The following INHBA variants were observed in gnomAD, a reference collection of about 807,000 sequenced individuals.
INHBA encodes inhibin subunit beta A.
Under a neutral mutation model 29.0 loss-of-function variants are expected in INHBA, and 1 was observed. The observed-to-expected ratio is 0.03, with a 90% CI of 0.01 to 0.16. The LOEUF (loss-of-function observed/expected upper bound fraction) is 0.16, where lower values mean the gene tolerates loss of function less well. INHBA is among the 10% of genes least tolerant of loss of function. The pLI is 1.00. For synonymous variants in INHBA, 242 were observed against 216.8 expected (o/e 1.12, Z -1.02); for missense variants, 376 against 545.4 (o/e 0.69, Z 3.09).
rs755611862 is a variant in INHBA at position 41,689,674 on chromosome 7, G to A, written c.1257C>T (p.Ile419=). The change falls in exon 3 of 3, where the codon ATC becomes ATT. Residue 419 remains isoleucine (I), a synonymous_variant. Transcript: ENST00000242208. The stretch of plus-strand genomic sequence containing the variant: ...TCTATGAGCACCCACACTCCTCCAC[G>A]ATCATGTTCTGAATGTCCTTTTTGA... ...NIIKKDIQNM[I]VEECGCS is the part of the protein sequence containing the mutation. 9.4e-6 allele frequency: 15 copies of A among 1,591,806 alleles called. No individual in the cohort carries two copies. In the East Asian group the frequency reaches 2.9e-4, roughly 31 times the overall value.
chr7:41,698,710 A>G (rs1235306775), intron 2 of INHBA, among the ~76,000 whole-genome samples: 1 of 152,222 alleles, frequency 6.6e-6, no homozygotes, highest in Non-Finnish European at 1.5e-5. Context: ...AGGGGAAGCC[A>G]CACAGCCAGC....
In INHBA at chr7:41,690,360, C is replaced by G. The variant is rs2128669325; in HGVS notation, c.571G>C (p.Glu191Gln). 1 of 1,614,120 alleles carries G rather than the reference C, an allele frequency of 6.2e-7. No individual in the cohort carries two copies. The highest frequency in any genetic ancestry group is 8.5e-7 in the Non-Finnish European group (1 of 1,180,038). Reference protein sequence around the residue: ...HPQGSLDTGEEAEEVGLKGER... With the variant: ...HPQGSLDTGEQAEEVGLKGER... ...CCCTTTAAGCCCACTTCCTCGGCCT[C>G]TTCCCCTGTGTCCAAGCTGCCCTGC... The change falls in exon 3 of 3, where the codon GAG becomes CAG. Residue 191 changes from glutamate to glutamine, a missense_variant. Coordinates refer to ENST00000242208, the MANE Select transcript of INHBA (RefSeq NM_002192.4).
intron 1 of INHBA, 28 bp from the exon 2 acceptor site, chr7:41,700,545 G>T: frequency 1.7e-6 from 1 of 578,642 alleles, no homozygotes; most frequent in East Asian, 3.2e-5. Flanking sequence ...AGTTTTCTGT[G>T]AAGTTTTGTT....
In INHBA at chr7:41,689,415, CCTGTCTCTTTCA is replaced by C; in HGVS notation, c.*223_*234del. ...ACCATTCTCCCTTTCCCTCCCAATT[CCTGTCTCTTTCA>C]CTGCTTCATCTCTGAGCCCTGGCTA... On this transcript the variant is annotated 3_prime_UTR_variant, in exon 3 of 3. Transcript: ENST00000242208. 2.1e-6 allele frequency: 1 copy of C among 475,824 alleles called. No homozygotes were observed. Among genetic ancestry groups the C allele is most frequent in the Non-Finnish European group, 3.7e-6 (1 of 272,848 alleles). 29.5% of individuals were successfully genotyped at this position (475,824 alleles called of 1,614,324 possible).
rs1302196945 is a variant in INHBA, at chr7:41,695,526, G to C, written c.388+4461C>G. On this transcript the variant is annotated intron_variant, in intron 2 of 2. Transcript: ENST00000242208. ...TATTCCTCCTTTGACCTACAGTAGA[G>C]GATCTTTCCTGCAGTAGAACTATAG... 2.0e-5 allele frequency among the ~76,000 whole-genome samples: 3 copies of C among 152,170 alleles called. No homozygotes were observed. The South Asian group carries it at 6.2e-4, about 32-fold the overall frequency.
chr7:41,694,927 A>G (rs781023480), intron 2 of INHBA, among the ~76,000 whole-genome samples: 2 of 152,202 alleles, frequency 1.3e-5, no homozygotes, highest in African/African-American at 4.8e-5. Flanking sequence ...GGAAGGAAAG[A>G]TAGCTGGAAG....
chr7:41,691,110 C>G (rs1057373793), intron 2 of INHBA: 2 of 152,334 alleles, frequency 1.3e-5, no homozygotes, highest in Non-Finnish European at 2.9e-5. Context: ...AATGAGATAA[C>G]ATAAACAAAA....
chr7:41,697,584 G>C (rs1326555876), intron 2 of INHBA, among the ~76,000 whole-genome samples: 1 of 152,220 alleles, frequency 6.6e-6, no homozygotes, highest in Admixed American at 6.5e-5. Context: ...TGCATCTGTG[G>C]CATGCTCATG....
Position 41,689,575 on chromosome 7 carries a change from C to A in INHBA, c.*75G>T. 1.9e-6 allele frequency: 2 copies of A among 1,076,214 alleles called. No homozygotes were observed. The highest frequency in any genetic ancestry group is 1.2e-6 in the Non-Finnish European group (1 of 813,984). 66.7% of individuals were successfully genotyped at this position (1,076,214 alleles called of 1,614,324 possible). A position where few individuals can be genotyped will look rare whatever the true frequency, so the allele number is the denominator to read the frequency against. ...TCTATTTTTCTGGTTAACTCAGAAA[C>A]CTTAAAAATTTCTTCATTTTGCCAC... On this transcript the variant is annotated 3_prime_UTR_variant, in exon 3 of 3. Coordinates refer to ENST00000242208, the MANE Select transcript of INHBA (RefSeq NM_002192.4).
At chr7:41,705,270 C>T (rs1794890983), upstream of INHBA, 1 of 152,372 alleles carries the variant, frequency 6.6e-6, no homozygotes. Flanking sequence ...GGCTTCTCGG[C>T]CCTGCTACTG....
chr7:41,703,987 G>T (rs562223414), upstream of INHBA, among the ~76,000 whole-genome samples: 2 of 152,302 alleles, frequency 1.3e-5, no homozygotes, highest in East Asian at 3.9e-4. Flanking sequence ...AACACAGGAG[G>T]AAGGGGTCCT....
intron 2 of INHBA, among the ~76,000 whole-genome samples, chr7:41,697,003 G>A (rs1345206746): frequency 6.6e-6 from 1 of 152,098 alleles, no homozygotes; most frequent in Non-Finnish European, 1.5e-5. Context: ...CCACATCCAG[G>A]TTTGACAGCA....
rs1458643256 is a variant in INHBA, at chr7:41,689,471, T to C, written c.*179A>G. 1.0e-5 allele frequency: 6 copies of C among 585,192 alleles called. No homozygotes were observed. The highest frequency in any genetic ancestry group is 1.7e-5 in the Non-Finnish European group (6 of 361,676). The allele number at this position is 585,192 out of a possible 1,614,324, so 36.2% of individuals were successfully genotyped here. On this transcript the variant is annotated 3_prime_UTR_variant, in exon 3 of 3. Transcript: ENST00000242208. ...CTGGCTAAGGATTTTTTCCACATCT[T>C]CCTTCATCTGTTTCATCAGGTTTTG... is the stretch of plus-strand genomic sequence containing the variant.
At position 41,687,675 on chromosome 7, in the gene INHBA, C is replaced by T. The variant is rs972233495; in HGVS notation, c.*1975G>A. Reference sequence around the variant, plus strand: ...ACCTCTGCCTCCTCTTAACTGTTCTCTTCCTTACTCTCCCTCTCTTAACAC... The same window carrying T: ...ACCTCTGCCTCCTCTTAACTGTTCTTTTCCTTACTCTCCCTCTCTTAACAC... On this transcript the variant is annotated 3_prime_UTR_variant, in exon 3 of 3. Transcript: ENST00000242208. 6 of 152,116 alleles carry T rather than the reference C, an allele frequency of 3.9e-5. No homozygotes were observed. Among genetic ancestry groups the T allele is most frequent in the Non-Finnish European group, 8.8e-5 (6 of 68,018 alleles). 9.4% of individuals were successfully genotyped at this position (152,116 alleles called of 1,614,324 possible).
At position 41,689,522 on chromosome 7, in the gene INHBA, T is replaced by TG. The variant is rs962767909; in HGVS notation, c.*127dup. The stretch of plus-strand genomic sequence containing the variant: ...TTTTTAATTTACTTTTGTTTTTTTT[T>TG]GTTTTTTTTTTTGTTTTGTTTTTAA... On this transcript the variant is annotated 3_prime_UTR_variant, in exon 3 of 3. Coordinates refer to ENST00000242208, the MANE Select transcript of INHBA (RefSeq NM_002192.4). 1.2e-6 allele frequency: 1 copy of TG among 814,346 alleles called. No homozygotes were observed. The allele number at this position is 814,346 out of a possible 1,614,324, so 50.4% of individuals were successfully genotyped here. A position where few individuals can be genotyped will look rare whatever the true frequency, so the allele number is the denominator to read the frequency against.
chr7:41,689,533 T>TA lies in INHBA; in HGVS notation c.*116_*117insT. 1.2e-6 allele frequency: 1 copy of TA among 823,186 alleles called. No individual in the cohort carries two copies. The highest frequency in any genetic ancestry group is 1.7e-6 in the Non-Finnish European group (1 of 591,420). The allele number at this position is 823,186 out of a possible 1,614,324, so 51.0% of individuals were successfully genotyped here. On this transcript the variant is annotated 3_prime_UTR_variant, in exon 3 of 3. Transcript: ENST00000242208. ...CTTTTGTTTTTTTTTGTTTTTTTTT[T>TA]TGTTTTGTTTTTAATTTCTATTTTT...
rs138538132 is a variant in INHBA, at chr7:41,689,931, C to T, written c.1000G>A (p.Gly334Ser). The change falls in exon 3 of 3, where the codon GGC becomes AGC. Residue 334 changes from glycine to serine, a missense_variant. Gly to Ser is a moderately conservative substitution (Grantham distance 56). Coordinates refer to ENST00000242208, the MANE Select transcript of INHBA (RefSeq NM_002192.4). The part of the protein sequence containing the change: ...KQFFVSFKDI[G>S]WNDWIIAPSG... ...GGAGCAATGATCCAGTCATTCCAGC[C>T]GATGTCCTTGAAACTGACAAAGAAC... 447 of 1,614,054 alleles carry T rather than the reference C, an allele frequency of 2.8e-4. 1 individual carries two copies. Among genetic ancestry groups the T allele is most frequent in the Non-Finnish European group, 3.5e-4 (418 of 1,180,038 alleles).
rs748226962 is a variant in INHBA at position 41,690,240 on chromosome 7, G to T, written c.691C>A (p.Leu231Met). The change falls in exon 3 of 3, where the codon CTG becomes ATG. Residue 231 changes from leucine (L) to methionine (M), a missense_variant. Leu to Met is a conservative substitution (Grantham distance 15). Coordinates refer to ENST00000242208, the MANE Select transcript of INHBA (RefSeq NM_002192.4). ...TCCAGGGAGCTCTTGCCCTGGTCCA[G>T]CAACCGCTGGATGCTGCTGGAGACA... is the stretch of plus-strand genomic sequence containing the variant. ...FPVSSSIQRL[L>M]DQGKSSLDVR... 2.5e-6 allele frequency: 4 copies of T among 1,614,018 alleles called. No individual in the cohort carries two copies. In the Admixed American group the frequency reaches 6.7e-5, roughly 27 times the overall value.
rs1403833609 is a variant in INHBA at position 41,689,583 on chromosome 7, A to T, written c.*67T>A. ...TCTGGTTAACTCAGAAACCTTAAAA[A>T]TTTCTTCATTTTGCCACTGTCTTCT... On this transcript the variant is annotated 3_prime_UTR_variant, in exon 3 of 3. Transcript: ENST00000242208. 16 of 1,255,136 alleles carry T rather than the reference A, an allele frequency of 1.3e-5. No homozygotes were observed. In the African/African-American group the frequency reaches 2.3e-4, roughly 18 times the overall value. The allele number at this position is 1,255,136 out of a possible 1,614,324, so 77.7% of individuals were successfully genotyped here. A position where few individuals can be genotyped will look rare whatever the true frequency, so the allele number is the denominator to read the frequency against.
Sources: gnomAD v4.1 joint callset for allele counts (sites outside exome capture counted in the v4.1 genomes callset) on GRCh38, gnomAD v4.1.1 for gene constraint, MANE v1.5 for transcripts, NCBI Gene and HGNC (gene_info 2026-07-23, HGNC 2026-07-21) for gene names.